NEDD4L: variants seen among roughly 807,000 people sequenced by gnomAD.
NEDD4L encodes NEDD4 like E3 ubiquitin protein ligase, also known as E3 ubiquitin-protein ligase NEDD4-like.
Under a neutral mutation model 148.9 loss-of-function variants are expected in NEDD4L, and 54 were observed. The ratio of observed to expected loss-of-function variants is 0.36; its 90% CI spans 0.29 to 0.45. The LOEUF (loss-of-function observed/expected upper bound fraction) is 0.45, where lower values mean the gene tolerates loss of function less well. Among genes scored for constraint, NEDD4L ranks in the 20% least tolerant of loss-of-function variants. The probability of loss-of-function intolerance (pLI) is 1.00; values close to 1 mark genes in which losing one functional copy is unlikely to be tolerated. For missense variants in NEDD4L, 856 were observed against 1,233.8 expected (o/e 0.69, Z 4.59); for synonymous variants, 433 against 440.7 (o/e 0.98, Z 0.22).
chr18:58,246,609 T>G (rs901419605), intron 3 of NEDD4L, among the ~76,000 whole-genome samples: 2 of 152,064 alleles, frequency 1.3e-5, no homozygotes, highest in Non-Finnish European at 2.9e-5. Context: ...AGATTACAAG[T>G]GTGCACCACT....
chr18:58,216,931 A>G (rs1235693468), intron 2 of NEDD4L, among the ~76,000 whole-genome samples: 2 of 152,256 alleles, frequency 1.3e-5, no homozygotes, highest in African/African-American at 4.8e-5. Context: ...ACAAGGTTTC[A>G]TAAATTAGGA....
intron 5 of NEDD4L, among the ~76,000 whole-genome samples, chr18:58,273,284 C>T (rs543324664): frequency 6.6e-6 from 1 of 152,312 alleles, no homozygotes; most frequent in South Asian, 2.1e-4. Context: ...CTCAAATGAG[C>T]TCAGCTGCTC....
chr18:58,167,764 A>G (rs1416493872), intron 2 of NEDD4L, among the ~76,000 whole-genome samples: 7 of 152,162 alleles, frequency 4.6e-5, no homozygotes, highest in African/African-American at 2.4e-5. Flanking sequence ...TTGCATGCCA[A>G]CCGGTAGTGG....
chr18:58,257,127 T>C (rs1005834812), intron 5 of NEDD4L, among the ~76,000 whole-genome samples: 3 of 152,158 alleles, frequency 2.0e-5, no homozygotes, highest in Non-Finnish European at 2.9e-5. Flanking sequence ...AACGTGCTGA[T>C]GTTGGAATTG....
chr18:58,123,478 C>G (rs1278115076), intron 1 of NEDD4L, among the ~76,000 whole-genome samples: 3 of 152,170 alleles, frequency 2.0e-5, no homozygotes, highest in Non-Finnish European at 2.9e-5. Flanking sequence ...ACCTCATGGT[C>G]CCTTCCTGTA....
chr18:58,274,368 T>C (rs2051541270), intron 5 of NEDD4L, among the ~76,000 whole-genome samples: 1 of 152,194 alleles, frequency 6.6e-6, no homozygotes, highest in South Asian at 2.1e-4. Context: ...GTTCGAACTT[T>C]GCCTCCGCCT....
chr18:58,337,737 A>G (rs1033788694), intron 13 of NEDD4L, among the ~76,000 whole-genome samples: 2 of 151,926 alleles, frequency 1.3e-5, no homozygotes, highest in African/African-American at 2.4e-5. Context: ...TGCTCCCCCT[A>G]CCCTGCCCTT....
intron 5 of NEDD4L, among the ~76,000 whole-genome samples, chr18:58,289,429 A>C (rs1188465687): frequency 6.6e-6 from 1 of 152,236 alleles, no homozygotes; most frequent in Admixed American, 6.5e-5. Context: ...AAAGCAGCGG[A>C]GAACCAGTGA....
At chr18:58,072,878 A>ACG (rs1461296712) in intron 1 of NEDD4L, among the ~76,000 whole-genome samples, 11 of 104,242 alleles carry the variant, frequency 1.1e-4, no homozygotes, top group Admixed American at 8.9e-4. Context: ...GCGCGCACAC[A>ACG]CACACACACA....
At chr18:58,365,270 G>A (rs1011144040) in intron 20 of NEDD4L, among the ~76,000 whole-genome samples, 5 of 152,136 alleles carry the variant, frequency 3.3e-5, no homozygotes, top group Non-Finnish European at 4.4e-5. Flanking sequence ...AGTTTTCTTT[G>A]TGAGTCATGT....
At chr18:58,210,327 T>C (rs1300690676) in intron 2 of NEDD4L, among the ~76,000 whole-genome samples, 2 of 152,190 alleles carry the variant, frequency 1.3e-5, no homozygotes, top group African/African-American at 4.8e-5. Context: ...ATTACCAAAG[T>C]TGATCCAAGA....
chr18:58,183,286 G>T (rs2147021963), intron 2 of NEDD4L, among the ~76,000 whole-genome samples: 1 of 152,342 alleles, frequency 6.6e-6, no homozygotes, highest in East Asian at 1.9e-4. Context: ...TAAACCCTGT[G>T]CCTTGTTTGT....
intron 5 of NEDD4L, among the ~76,000 whole-genome samples, chr18:58,259,066 G>A (rs2048994589): frequency 6.6e-6 from 1 of 152,088 alleles, no homozygotes; most frequent in African/African-American, 2.4e-5. Flanking sequence ...CCTAGATTTG[G>A]GAATACCGCT....
chr18:58,087,270 T>G (rs569741671), intron 1 of NEDD4L, among the ~76,000 whole-genome samples: 1 of 152,318 alleles, frequency 6.6e-6, no homozygotes, highest in East Asian at 1.9e-4. Flanking sequence ...TGCTAAACTT[T>G]CCATCAGGAA....
At chr18:58,092,708 G>A (rs183609168) in intron 1 of NEDD4L, among the ~76,000 whole-genome samples, 3 of 151,634 alleles carry the variant, frequency 2.0e-5, no homozygotes, top group Non-Finnish European at 4.4e-5. Flanking sequence ...AAGAGTTCGT[G>A]TAAGAGCATG....
rs971514338 is a variant in NEDD4L at position 58,395,239 on chromosome 18, TAC to T, written c.2826-916_2826-915del. ...ACATCAGCAATCACCCCCCAACACA[TAC>T]ACACACACACAGAGGTGCAGGTTCT... is the stretch of plus-strand genomic sequence containing the variant. On this transcript the variant is annotated intron_variant, in intron 30 of 30. Coordinates refer to ENST00000400345, the MANE Select transcript of NEDD4L (RefSeq NM_001144967.3). Among the ~76,000 whole-genome samples, 7 of 151,904 alleles carry T rather than the reference TAC, an allele frequency of 4.6e-5. No homozygotes were observed. In the South Asian group the frequency reaches 1.3e-3, roughly 27 times the overall value.
At chr18:58,053,837 T>C (rs7229995) in intron 1 of NEDD4L, among the ~76,000 whole-genome samples, 137,519 of 152,262 alleles carry the variant, frequency 0.9, 62,187 homozygotes, top group East Asian at 1. Context: ...CACTGAGTTG[T>C]CCCCTTTGAA....
intron 16 of NEDD4L, among the ~76,000 whole-genome samples, chr18:58,346,359 C>T (rs1057366994): frequency 2.6e-5 from 4 of 152,196 alleles, no homozygotes; most frequent in African/African-American, 4.8e-5. Context: ...GTAAGTATAA[C>T]TGCAAATATT....
At chr18:58,318,783 C>G (rs777957316) in intron 6 of NEDD4L, among the ~76,000 whole-genome samples, 1 of 152,232 alleles carries the variant, frequency 6.6e-6, no homozygotes, top group Non-Finnish European at 1.5e-5. Context: ...GCACCTTCCT[C>G]TTGACTTGTC....
Sources: allele counts gnomAD v4.1 joint callset (sites outside exome capture counted in the v4.1 genomes callset), GRCh38; gene constraint gnomAD v4.1.1; transcripts MANE v1.5; gene names NCBI Gene and HGNC (gene_info 2026-07-23, HGNC 2026-07-21).